The following STXBP5L variants were observed in gnomAD, a reference collection of about 807,000 sequenced individuals.
STXBP5L encodes the protein syntaxin binding protein 5L.
In STXBP5L, 65 loss-of-function variants were observed where a neutral mutation model predicts 144.5. The ratio of observed to expected loss-of-function variants is 0.45; its 90% confidence interval spans 0.37 to 0.55. The LOEUF (loss-of-function observed/expected upper bound fraction) is 0.55, where lower values mean the gene tolerates loss of function less well. STXBP5L is among the 20% of genes least tolerant of loss of function. The probability of loss-of-function intolerance (pLI) is 0.00; values close to 1 mark genes in which losing one functional copy is unlikely to be tolerated. For missense variants in STXBP5L, 1,298 were observed against 1,405.5 expected, an observed-to-expected ratio of 0.92 and a Z score of 1.22; for synonymous variants, 505 against 469.6, an observed-to-expected ratio of 1.08 and a Z score of -0.97.
chr3:121,215,852 G>T (rs982082001), intron 10 of STXBP5L, among the ~76,000 whole-genome samples: 9 of 151,946 alleles, frequency 5.9e-5, no homozygotes, highest in Admixed American at 1.3e-4. Flanking sequence ...TCAAACATAG[G>T]TTTGGTCTTT....
intron 3 of STXBP5L, among the ~76,000 whole-genome samples, chr3:121,029,969 T>G (rs113879625): frequency 0.12 from 18,266 of 151,996 alleles, 1,155 homozygotes; most frequent in Non-Finnish European, 0.14. Context: ...AAATCAAAAC[T>G]ACAATGAGAT....
At chr3:121,213,924 G>T (rs554255782) in intron 10 of STXBP5L, among the ~76,000 whole-genome samples, 29 of 152,108 alleles carry the variant, frequency 1.9e-4, no homozygotes, top group African/African-American at 6.5e-4. Flanking sequence ...TTTTTCCTGG[G>T]TTAGTCTTGG....
intron 10 of STXBP5L, among the ~76,000 whole-genome samples, chr3:121,219,704 G>A (rs528002371): frequency 5.3e-5 from 8 of 152,100 alleles, no homozygotes; most frequent in Middle Eastern, 6.8e-3. Context: ...TTCCTATTAC[G>A]GCAGCCTACT....
At chr3:121,320,958 C>A (rs1348625228) in intron 20 of STXBP5L, among the ~76,000 whole-genome samples, 2 of 152,198 alleles carry the variant, frequency 1.3e-5, no homozygotes. Flanking sequence ...CTCGGCCTCC[C>A]AAAGTGCTGG....
intron 14 of STXBP5L, among the ~76,000 whole-genome samples, chr3:121,245,135 CA>C (rs2049803711): frequency 6.6e-6 from 1 of 151,550 alleles, no homozygotes; most frequent in South Asian, 2.1e-4. Flanking sequence ...ATAATAGATG[CA>C]AAATATAAAA....
At chr3:121,365,569 A>G (rs1287692025) in intron 20 of STXBP5L, among the ~76,000 whole-genome samples, 1 of 151,808 alleles carries the variant, frequency 6.6e-6, no homozygotes, top group Non-Finnish European at 1.5e-5. Flanking sequence ...ACAAATGTTC[A>G]TAATACTATC....
In STXBP5L at chr3:120,954,946, C is replaced by T. The variant is rs1937856221; in HGVS notation, c.196C>T (p.Arg66Trp). The T allele has an allele frequency of 2.5e-6, 4 of 1,611,434 alleles. No homozygotes were observed. Among genetic ancestry groups the T allele is most frequent in the Non-Finnish European group, 2.5e-6 (3 of 1,178,540 alleles). Residue 66 changes from arginine to tryptophan, a missense_variant, in exon 3 of 27, where the codon CGG (arginine) becomes TGG (tryptophan). Arg to Trp is a moderately radical substitution (Grantham distance 101). Coordinates refer to ENST00000471454, the MANE Select transcript of STXBP5L (RefSeq NM_001308330.2). The part of the protein sequence containing the change: ...SEYFQICKTV[R>W]HGFPHQPTAL... The stretch of plus-strand genomic sequence containing the variant: ...ATTATTTGCTCTCTTTCAGACAGTT[C>T]GGCATGGTTTTCCTCATCAGCCCAC...
chr3:121,052,003 C>A (rs966243822), intron 5 of STXBP5L, among the ~76,000 whole-genome samples: 1 of 152,170 alleles, frequency 6.6e-6, no homozygotes, highest in Non-Finnish European at 1.5e-5. Context: ...AATTCCTGGA[C>A]ACATACACCC....
chr3:121,041,877 TA>T lies in STXBP5L; in HGVS notation c.369+99del, dbSNP rs1947182632. The T allele has an allele frequency of 3.9e-6, 3 of 777,594 alleles. No individual in the cohort carries two copies. The South Asian group carries it at 4.7e-5, about 12-fold the overall frequency. 48.2% of individuals were successfully genotyped at this position (777,594 alleles called of 1,614,324 possible). Reference sequence around the variant, plus strand: ...TTTAAATACTGTGATTCTAAATGCTTAAATATATATGCATGCAATATTACTT... The same window carrying T: ...TTTAAATACTGTGATTCTAAATGCTTAATATATATGCATGCAATATTACTT... On this transcript the variant is annotated intron_variant, in intron 4 of 26. Transcript: ENST00000471454.
chr3:121,013,091 C>A (rs1042747919), intron 3 of STXBP5L, among the ~76,000 whole-genome samples: 1 of 151,878 alleles, frequency 6.6e-6, no homozygotes, highest in African/African-American at 2.4e-5. Flanking sequence ...TTTATCCAAT[C>A]TATCATTGAT....
intron 3 of STXBP5L, among the ~76,000 whole-genome samples, chr3:120,965,056 G>T (rs893316873): frequency 1.3e-5 from 2 of 151,988 alleles, no homozygotes; most frequent in African/African-American, 4.8e-5. Flanking sequence ...GATCTTTGTT[G>T]GTTTAAAGTC....
intron 3 of STXBP5L, among the ~76,000 whole-genome samples, chr3:121,030,386 G>A (rs1946280833): frequency 6.6e-6 from 1 of 152,120 alleles, no homozygotes; most frequent in South Asian, 2.1e-4. Flanking sequence ...GCAGGGACAT[G>A]GATGAAGCTG....
intron 5 of STXBP5L, among the ~76,000 whole-genome samples, chr3:121,073,392 C>T (rs1387662133): frequency 1.3e-5 from 2 of 152,154 alleles, no homozygotes; most frequent in African/African-American, 4.8e-5. Flanking sequence ...ATGTGGGGCA[C>T]CCGAATTATT....
At chr3:120,962,579 A>G (rs2107745520) in intron 3 of STXBP5L, among the ~76,000 whole-genome samples, 1 of 152,196 alleles carries the variant, frequency 6.6e-6, no homozygotes, top group South Asian at 2.1e-4. Context: ...CAAAGATCAG[A>G]TGGTTGTAGA....
intron 10 of STXBP5L, among the ~76,000 whole-genome samples, chr3:121,209,022 G>A (rs2048449924): frequency 6.6e-6 from 1 of 152,014 alleles, no homozygotes; most frequent in African/African-American, 2.4e-5. Flanking sequence ...TGCAGTGTTT[G>A]GTTTTCTGTT....
At chr3:121,172,935 G>A (rs1033800337) in intron 9 of STXBP5L, among the ~76,000 whole-genome samples, 1 of 152,178 alleles carries the variant, frequency 6.6e-6, no homozygotes, top group African/African-American at 2.4e-5. Context: ...CAACCCAAAT[G>A]TCCATCAGTG....
At chr3:120,971,882 A>G (rs1441544122) in intron 3 of STXBP5L, among the ~76,000 whole-genome samples, 1 of 151,968 alleles carries the variant, frequency 6.6e-6, no homozygotes, top group Non-Finnish European at 1.5e-5. Flanking sequence ...GCACACACAC[A>G]CAGAAGTGTA....
chr3:120,980,384 A>G (rs1175806580), intron 3 of STXBP5L, among the ~76,000 whole-genome samples: 1 of 150,654 alleles, frequency 6.6e-6, no homozygotes, highest in African/African-American at 2.4e-5. Flanking sequence ...TGTTTTATGA[A>G]TATGGGTGCT....
chr3:120,975,930 G>T (rs1205721483), intron 3 of STXBP5L, among the ~76,000 whole-genome samples: 1 of 152,118 alleles, frequency 6.6e-6, no homozygotes, highest in Non-Finnish European at 1.5e-5. Context: ...TTGATGTGCT[G>T]CTGGATTCTG....
Sources: allele counts gnomAD v4.1 joint callset (sites outside exome capture counted in the v4.1 genomes callset), GRCh38; gene constraint gnomAD v4.1.1; transcripts MANE v1.5; gene names NCBI Gene and HGNC (gene_info 2026-07-23, HGNC 2026-07-21).